Variants in HSPA12A observed in about 807,000 individuals in gnomAD.
HSPA12A encodes heat shock 70 kDa protein 12A.
A neutral mutation model predicts 69.2 loss-of-function variants in HSPA12A; 28 were observed. The observed-to-expected ratio is 0.40, with a 90% CI of 0.30 to 0.55. The LOEUF is 0.55. HSPA12A is among the 20% of genes least tolerant of loss of function. The probability of loss-of-function intolerance (pLI) is 0.38; values close to 1 mark genes in which losing one functional copy is unlikely to be tolerated. For synonymous variants in HSPA12A, 345 were observed against 370.5 expected (o/e 0.93, Z 0.79); for missense variants, 686 against 900.7 (o/e 0.76, Z 3.05).
intron 6 of HSPA12A, among the ~76,000 whole-genome samples, chr10:116,691,810 G>A (rs1849745369): frequency 1.3e-5 from 2 of 152,346 alleles, no homozygotes; most frequent in South Asian, 2.1e-4. Flanking sequence ...ACTGCCCTCT[G>A]CAGGGGTCTG....
At chr10:116,677,705 G>A (rs1849280355) in intron 10 of HSPA12A, among the ~76,000 whole-genome samples, 1 of 152,190 alleles carries the variant, frequency 6.6e-6, no homozygotes, top group Admixed American at 6.5e-5. Context: ...CAGGCCTGGG[G>A]TAGGGAATGT....
chr10:116,677,035 G>T (rs953100543), intron 10 of HSPA12A, among the ~76,000 whole-genome samples: 1 of 152,064 alleles, frequency 6.6e-6, no homozygotes, highest in Non-Finnish European at 1.5e-5. Context: ...GGGAATCCAG[G>T]ATTGTGGGGC....
chr10:116,797,306 T>TA (rs1423290378), intron 2 of HSPA12A, among the ~76,000 whole-genome samples: 2 of 152,024 alleles, frequency 1.3e-5, no homozygotes, highest in African/African-American at 2.4e-5. Context: ...TTGAGACTCT[T>TA]AGGTTGTGGG....
chr10:116,758,070 C>T (rs1554888962), intron 2 of HSPA12A, among the ~76,000 whole-genome samples: 1 of 152,156 alleles, frequency 6.6e-6, no homozygotes, highest in African/African-American at 2.4e-5. Flanking sequence ...ATAACAAGAA[C>T]AGGATCAATA....
chr10:116,835,788 C>T (rs966624047), intron 1 of HSPA12A, among the ~76,000 whole-genome samples: 1 of 152,132 alleles, frequency 6.6e-6, no homozygotes, highest in African/African-American at 2.4e-5. Context: ...GGAGTGTGTG[C>T]TTTATAAAGG....
chr10:116,695,129 C>CA (rs1368243300), intron 5 of HSPA12A, among the ~76,000 whole-genome samples: 5 of 152,132 alleles, frequency 3.3e-5, no homozygotes, highest in Non-Finnish European at 7.3e-5. Flanking sequence ...CTGTGGCTCT[C>CA]AGTCTCAGAG....
Position 116,742,558 on chromosome 10 carries a change from G to A in HSPA12A, c.-89C>T, listed in dbSNP as rs1180489692. The A allele has an allele frequency of 2.6e-6, 3 of 1,164,524 alleles. No individual in the cohort carries two copies. The highest frequency in any genetic ancestry group is 3.2e-6 in the Non-Finnish European group (3 of 945,266). The allele number at this position is 1,164,524 out of a possible 1,614,324, so 72.1% of individuals were successfully genotyped here. On this transcript the variant is annotated 5_prime_UTR_variant, in exon 1 of 12. Transcript: ENST00000369209. ...TGTCCGCGTCCGCGGCGGCGCTCGG[G>A]CCGTGTCTGAGCCGCCGGGCAGCGG...
rs1554884973 is a variant in HSPA12A, at chr10:116,726,027, G to GCACGCACACACA, written c.40+16402_40+16403insTGTGTGTGCGTG. Reference sequence around the variant, plus strand: ...ACAAGGTTTAGACACACACACACACGCACACACACACACACACACACACAC... The same window carrying GCACGCACACACA: ...ACAAGGTTTAGACACACACACACACGCACGCACACACACACACACACACACACACACACACAC... On this transcript the variant is annotated intron_variant, in intron 1 of 11. Coordinates refer to ENST00000369209, the MANE Select transcript of HSPA12A (RefSeq NM_025015.3). Among the ~76,000 whole-genome samples, 146 of 146,218 alleles carry GCACGCACACACA rather than the reference G, an allele frequency of 1.0e-3. 2 individuals carry two copies. The highest frequency in any genetic ancestry group is 5.4e-4 in the Non-Finnish European group (36 of 67,038).
intron 2 of HSPA12A, among the ~76,000 whole-genome samples, chr10:116,820,773 T>C (rs1241125122): frequency 2.6e-5 from 4 of 152,040 alleles, no homozygotes; most frequent in African/African-American, 7.2e-5. Context: ...ACATTTCTAG[T>C]CGGAGCTCAC....
At chr10:116,683,680 T>C (rs1564775550) in intron 7 of HSPA12A, 111 bp downstream of exon 7, 1 of 1,135,522 alleles carries the variant, frequency 8.8e-7, no homozygotes. Flanking sequence ...TCCCGGAGTA[T>C]CCTGATTCTT....
At chr10:116,805,917 C>T (rs974213816) in intron 2 of HSPA12A, among the ~76,000 whole-genome samples, 2 of 152,202 alleles carry the variant, frequency 1.3e-5, no homozygotes, top group Non-Finnish European at 2.9e-5. Context: ...TCGGAGCTAA[C>T]CCAGGATGCC....
At chr10:116,841,922 C>A (rs544154627) in intron 1 of HSPA12A, among the ~76,000 whole-genome samples, 1 of 151,886 alleles carries the variant, frequency 6.6e-6, no homozygotes, top group Non-Finnish European at 1.5e-5. Flanking sequence ...CTACACTTTG[C>A]CAATAATTAA....
At chr10:116,831,040 A>G (rs1220661925) in intron 2 of HSPA12A, 2 of 152,460 alleles carry the variant, frequency 1.3e-5, no homozygotes, top group Non-Finnish European at 2.9e-5. Flanking sequence ...GAAATTGCCT[A>G]ATAATGCATT....
chr10:116,848,295 G>C (rs1212335859), intron 1 of HSPA12A, among the ~76,000 whole-genome samples: 1 of 152,234 alleles, frequency 6.6e-6, no homozygotes, highest in Admixed American at 6.5e-5. Context: ...TAAGAGAGCA[G>C]AGAGAACACG....
intron 1 of HSPA12A, among the ~76,000 whole-genome samples, chr10:116,713,651 AG>A (rs1243054240): frequency 5.9e-5 from 9 of 152,182 alleles, no homozygotes; most frequent in African/African-American, 1.2e-4. Context: ...AACTGTCAAC[AG>A]GGGTGGTTCA....
chr10:116,751,483 T>C (rs1489164177), intron 2 of HSPA12A, among the ~76,000 whole-genome samples: 4 of 152,208 alleles, frequency 2.6e-5, no homozygotes, highest in Non-Finnish European at 5.9e-5. Flanking sequence ...TAGATTTCCA[T>C]TACTTGTTTC....
chr10:116,709,379 C>T (rs1403314431), intron 1 of HSPA12A, among the ~76,000 whole-genome samples: 3 of 144,512 alleles, frequency 2.1e-5, no homozygotes, highest in African/African-American at 5.2e-5. Flanking sequence ...ACCCAGGAGG[C>T]GGAGGGTGCA....
At chr10:116,805,433 T>C (rs1045254842) in intron 2 of HSPA12A, among the ~76,000 whole-genome samples, 2 of 152,156 alleles carry the variant, frequency 1.3e-5, no homozygotes, top group African/African-American at 4.8e-5. Context: ...CTAAACATTT[T>C]AGCCATGTGG....
intron 2 of HSPA12A, among the ~76,000 whole-genome samples, chr10:116,769,315 T>C (rs769209999): frequency 5.9e-5 from 9 of 152,196 alleles, no homozygotes; most frequent in Non-Finnish European, 1.3e-4. Context: ...CCCCTTGCTA[T>C]GGTGTCATCA....
Sources: allele counts gnomAD v4.1 joint callset (sites outside exome capture counted in the v4.1 genomes callset), GRCh38; gene constraint gnomAD v4.1.1; transcripts MANE v1.5; gene names NCBI Gene and HGNC (gene_info 2026-07-23, HGNC 2026-07-21).